Variants in NUP88 observed in about 807,000 individuals in gnomAD.
NUP88 encodes nuclear pore complex protein Nup88.
In NUP88, 57 loss-of-function variants were observed where a neutral mutation model predicts 93.9. The observed-to-expected ratio is 0.61, with a 90% CI of 0.49 to 0.76. The LOEUF (loss-of-function observed/expected upper bound fraction) is 0.76, where lower values mean the gene tolerates loss of function less well. Among genes scored for constraint, NUP88 ranks in the 30% least tolerant of loss-of-function variants. The pLI, the probability that NUP88 is intolerant of heterozygous loss-of-function variation, is 0.00. For synonymous variants in NUP88, 346 were observed against 336.8 expected, an observed-to-expected ratio of 1.03 and a Z score of -0.30; for missense variants, 911 against 901.0, an observed-to-expected ratio of 1.01 and a Z score of -0.14.
In NUP88 at chr17:5,386,747, G is replaced by T; in HGVS notation, c.2123C>A (p.Ala708Asp). The change falls in exon 16 of 17, where the codon GCC becomes GAC. Residue 708 changes from alanine (A) to aspartate (D), a missense_variant. Ala to Asp is a moderately radical substitution (Grantham distance 126). Transcript: ENST00000573584. ...SLPKPTIILS[A>D]YQRKCIQSIL... Reference sequence around the variant, plus strand: ...GGACTGAATGCACTTTCGCTGGTAGGCACTGAGAATAATGGTGGGTTTTGG... The same window carrying T: ...GGACTGAATGCACTTTCGCTGGTAGTCACTGAGAATAATGGTGGGTTTTGG... 6.2e-7 allele frequency: 1 copy of T among 1,613,562 alleles called. No individual in the cohort carries two copies. The highest frequency in any genetic ancestry group is 8.5e-7 in the Non-Finnish European group (1 of 1,179,504).
chr17:5,415,347 A>G (rs1345912195), intron 2 of NUP88, among the ~76,000 whole-genome samples: 2 of 152,180 alleles, frequency 1.3e-5, no homozygotes, highest in East Asian at 3.8e-4. Flanking sequence ...TCATACGTAT[A>G]TATACATTTT....
At chr17:5,387,184 A>G in intron 14 of NUP88, 74 bp from the exon 15 acceptor site, 1 of 1,536,834 alleles carries the variant, frequency 6.5e-7, no homozygotes, top group Non-Finnish European at 8.9e-7. Flanking sequence ...CAAGCTCATA[A>G]TTCATGAATC....
chr17:5,408,842 G>C lies in NUP88; in HGVS notation c.748C>G (p.Pro250Ala), dbSNP rs1219199978. The change falls in exon 5 of 17, where the codon CCA (proline) becomes GCA (alanine). Residue 250 changes from proline (P) to alanine (A), a missense_variant. Physicochemically the swap from Pro to Ala is conservative, Grantham distance 27. Coordinates refer to ENST00000573584, the MANE Select transcript of NUP88 (RefSeq NM_002532.6). ...CCGTTTTGTCCAAATAGAGTCTTTG[G>C]GACTGCTGCCAATGGCCCAAAGTCA... ...AFDFGPLAAV[P>A]KTLFGQNGKD... 1 of 1,613,936 alleles carries C rather than the reference G, an allele frequency of 6.2e-7. No homozygotes were observed. The highest frequency in any genetic ancestry group is 2.2e-5 in the East Asian group (1 of 44,850).
At position 5,399,666 on chromosome 17, in the gene NUP88, T is replaced by C. The variant is rs1333682540; in HGVS notation, c.1193-16A>G. ...CACTTGGGATCTGCAAATGGAATGATTAATGATACAAAGGTAGCCAGTGGA... is the reference window on the plus strand; with the variant it reads ...CACTTGGGATCTGCAAATGGAATGACTAATGATACAAAGGTAGCCAGTGGA... On this transcript the variant is annotated splice_polypyrimidine_tract_variant and intron_variant, in intron 7 of 16. Coordinates refer to ENST00000573584, the MANE Select transcript of NUP88 (RefSeq NM_002532.6). 1 of 1,432,082 alleles carries C rather than the reference T, an allele frequency of 7.0e-7. No individual in the cohort carries two copies. The highest frequency in any genetic ancestry group is 1.2e-5 in the South Asian group (1 of 84,140). The allele number at this position is 1,432,082 out of a possible 1,614,324, so 88.7% of individuals were successfully genotyped here. A position where few individuals can be genotyped will look rare whatever the true frequency, so the allele number is the denominator to read the frequency against.
chr17:5,400,804 G>C (rs1199016414), intron 7 of NUP88, among the ~76,000 whole-genome samples: 1 of 152,194 alleles, frequency 6.6e-6, no homozygotes, highest in Non-Finnish European at 1.5e-5. Flanking sequence ...GGTGTGAAAT[G>C]AGAAGTGAAG....
At chr17:5,392,793 T>C (rs1221362848) in intron 9 of NUP88, among the ~76,000 whole-genome samples, 1 of 152,164 alleles carries the variant, frequency 6.6e-6, no homozygotes, top group Non-Finnish European at 1.5e-5. Context: ...ATAAATGGGA[T>C]TTTGGGGTTT....
intron 2 of NUP88, 62 bp downstream of exon 2, chr17:5,416,451 C>T (rs895972779): frequency 5.0e-6 from 6 of 1,203,358 alleles, no homozygotes; most frequent in Non-Finnish European, 6.9e-6. Context: ...TTAAGAACCA[C>T]TAGTCTTGAA....
chr17:5,411,643 A>C (rs1913852903), intron 3 of NUP88, among the ~76,000 whole-genome samples: 1 of 139,030 alleles, frequency 7.2e-6, no homozygotes, highest in African/African-American at 2.6e-5. Context: ...TTTCAAGGGA[A>C]AGTATAATAC....
chr17:5,386,147 A>G lies in NUP88; in HGVS notation c.*59T>C, dbSNP rs374583037. 9 of 1,275,208 alleles carry G rather than the reference A, an allele frequency of 7.1e-6. No homozygotes were observed. The highest frequency in any genetic ancestry group is 4.4e-5 in the Admixed American group (2 of 45,968). The allele number at this position is 1,275,208 out of a possible 1,614,324, so 79.0% of individuals were successfully genotyped here. Reference sequence around the variant, plus strand: ...AATTAGATAATTCTACCTGTTTTACAATATGGGTTTAAGCCTTCAATGGTG... The same window carrying G: ...AATTAGATAATTCTACCTGTTTTACGATATGGGTTTAAGCCTTCAATGGTG... On this transcript the variant is annotated 3_prime_UTR_variant, in exon 17 of 17. Transcript: ENST00000573584.
At chr17:5,402,957 T>A (rs1011394488) in intron 7 of NUP88, among the ~76,000 whole-genome samples, 1 of 152,052 alleles carries the variant, frequency 6.6e-6, no homozygotes, top group Non-Finnish European at 1.5e-5. Context: ...GCCACTGTAC[T>A]CCAGCCTAGA....
At position 5,399,639 on chromosome 17, in the gene NUP88, G is replaced by T; in HGVS notation, c.1204C>A (p.Pro402Thr). ...TCATGAGTACAGTGATATCTTGAAG[G>T]ACACTTGGGATCTGCAAATGGAATG... is the stretch of plus-strand genomic sequence containing the variant. ...PVKLHRDPKC[P>T]SRYHCTHEAG... is the part of the protein sequence containing the mutation. The change falls in exon 8 of 17, where the codon CCT becomes ACT. Residue 402 changes from proline (P) to threonine (T), a missense_variant. Transcript: ENST00000573584. The T allele has an allele frequency of 6.3e-7, 1 of 1,585,504 alleles. No homozygotes were observed. Among genetic ancestry groups the T allele is most frequent in the South Asian group, 1.1e-5 (1 of 88,722 alleles).
chr17:5,406,283 A>G (rs1913484280), intron 5 of NUP88, among the ~76,000 whole-genome samples: 1 of 152,234 alleles, frequency 6.6e-6, no homozygotes, highest in African/African-American at 2.4e-5. Context: ...GCTAGAGATC[A>G]GTTTATGCAA....
At chr17:5,391,349 C>G (rs1248640484) in intron 10 of NUP88, 1 of 473,800 alleles carries the variant, frequency 2.1e-6, no homozygotes, top group Non-Finnish European at 3.8e-6. Context: ...TGACTCTCAG[C>G]TAGGTGCAGG....
Position 5,387,439 on chromosome 17 carries a change from ACGCTCAGCCATTTCC to A in NUP88, c.1848_1862del (p.Glu617_Arg621del). On this transcript the variant is annotated inframe_deletion, in exon 14 of 17. Transcript: ENST00000573584. ...TAGCTTCCTCATATTTGTCAGCTAAACGCTCAGCCATTTCCCGCAGACTTTTCCTAATGATGTAAG... is the reference window on the plus strand; with the variant it reads ...TAGCTTCCTCATATTTGTCAGCTAAACGCAGACTTTTCCTAATGATGTAAG... The A allele has an allele frequency of 6.2e-7, 1 of 1,614,174 alleles. No homozygotes were observed. Among genetic ancestry groups the A allele is most frequent in the Non-Finnish European group, 8.5e-7 (1 of 1,180,022 alleles).
Position 5,399,708 on chromosome 17 carries a change from C to T in NUP88, c.1193-58G>A, listed in dbSNP as rs992090494. 38 of 928,138 alleles carry T rather than the reference C, an allele frequency of 4.1e-5. 2 individuals carry two copies. In the South Asian group the frequency reaches 5.4e-4, roughly 13 times the overall value. 57.5% of individuals were successfully genotyped at this position (928,138 alleles called of 1,614,324 possible). On this transcript the variant is annotated intron_variant, in intron 7 of 16. Coordinates refer to ENST00000573584, the MANE Select transcript of NUP88 (RefSeq NM_002532.6). ...GCCAGTGGATAACTAAAAAAATTTACCTCAAATTTGTTGGCTACTCCACAT... is the reference window on the plus strand; with the variant it reads ...GCCAGTGGATAACTAAAAAAATTTATCTCAAATTTGTTGGCTACTCCACAT...
chr17:5,391,506 C>T (rs1171249323), intron 10 of NUP88, 55 bp downstream of exon 10: 1 of 1,443,380 alleles, frequency 6.9e-7, no homozygotes, highest in Non-Finnish European at 9.7e-7. Flanking sequence ...ATTTTCCCAA[C>T]TTAGATATTG....
chr17:5,395,772 C>A (rs922833244), intron 8 of NUP88, among the ~76,000 whole-genome samples: 1 of 152,126 alleles, frequency 6.6e-6, no homozygotes, highest in Non-Finnish European at 1.5e-5. Flanking sequence ...CCTGCCTCAG[C>A]CTCCCAAAGT....
chr17:5,386,102 C>T lies in NUP88; in HGVS notation c.*104G>A. 1.3e-6 allele frequency: 1 copy of T among 788,108 alleles called. No homozygotes were observed. The highest frequency in any genetic ancestry group is 2.1e-6 in the Non-Finnish European group (1 of 486,428). 48.8% of individuals were successfully genotyped at this position (788,108 alleles called of 1,614,324 possible). Reference sequence around the variant, plus strand: ...TAAAAAGATGAACCACACCAAAGGTCATCAAAACACCTTTTTATAAATTAG... The same window carrying T: ...TAAAAAGATGAACCACACCAAAGGTTATCAAAACACCTTTTTATAAATTAG... On this transcript the variant is annotated 3_prime_UTR_variant, in exon 17 of 17. Transcript: ENST00000573584.
intron 2 of NUP88, among the ~76,000 whole-genome samples, chr17:5,416,157 A>AGT (rs1376858837): frequency 7.2e-5 from 9 of 125,438 alleles, no homozygotes; most frequent in South Asian, 3.0e-4. Context: ...AAAAAAAAAA[A>AGT]AAAAAAAAAG....
Sources: gnomAD v4.1 joint callset for allele counts (sites outside exome capture counted in the v4.1 genomes callset) on GRCh38, gnomAD v4.1.1 for gene constraint, MANE v1.5 for transcripts, NCBI Gene and HGNC (gene_info 2026-07-23, HGNC 2026-07-21) for gene names.